The following LIMCH1 variants were observed in gnomAD, a reference collection of about 807,000 sequenced individuals.
LIMCH1 encodes the protein LIM and calponin homology domains-containing protein 1.
LIMCH1 carries 113 observed loss-of-function variants against 176.5 expected under a neutral mutation model. The observed-to-expected ratio is 0.64, with a 90% CI of 0.55 to 0.75. The LOEUF (loss-of-function observed/expected upper bound fraction) is 0.75. LIMCH1 is among the 30% of genes least tolerant of loss of function. The pLI is 0.00. For missense variants in LIMCH1, 1,674 were observed against 1,814.9 expected, an observed-to-expected ratio of 0.92 and a Z score of 1.41; for synonymous variants, 619 against 645.9, an observed-to-expected ratio of 0.96 and a Z score of 0.63.
At chr4:41,649,558 T>C (rs993843113) in intron 17 of LIMCH1, among the ~76,000 whole-genome samples, 12 of 152,220 alleles carry the variant, frequency 7.9e-5, no homozygotes, top group South Asian at 2.1e-4. Flanking sequence ...CTTTAAATTT[T>C]GCATCAGAGC....
chr4:41,484,311 G>A (rs551475279), intron 1 of LIMCH1, among the ~76,000 whole-genome samples: 1 of 152,190 alleles, frequency 6.6e-6, no homozygotes, highest in South Asian at 2.1e-4. Context: ...TGTCATTTTG[G>A]TCTTACACCT....
At chr4:41,539,612 C>T (rs981777404) in intron 1 of LIMCH1, among the ~76,000 whole-genome samples, 1 of 152,188 alleles carries the variant, frequency 6.6e-6, no homozygotes, top group African/African-American at 2.4e-5. Flanking sequence ...GAGGGACTTC[C>T]TAACACCGTT....
At chr4:41,523,054 AATAT>A (rs2076277392) in intron 2 of LIMCH1, among the ~76,000 whole-genome samples, 2 of 152,126 alleles carry the variant, frequency 1.3e-5, no homozygotes, top group South Asian at 4.2e-4. Flanking sequence ...GCAAAAATGG[AATAT>A]CCTGTCTGTC....
At chr4:41,585,467 G>A (rs576072609) in intron 1 of LIMCH1, among the ~76,000 whole-genome samples, 1 of 152,248 alleles carries the variant, frequency 6.6e-6, no homozygotes, top group African/African-American at 2.4e-5. Flanking sequence ...GAACATTTGG[G>A]TTGTTTCCAC....
At chr4:41,469,893 G>A (rs1463856474) in intron 1 of LIMCH1, among the ~76,000 whole-genome samples, 1 of 151,988 alleles carries the variant, frequency 6.6e-6, no homozygotes, top group African/African-American at 2.4e-5. Context: ...TATTGGCCAG[G>A]CTGGTTTCAA....
chr4:41,583,747 G>A (rs918577035), intron 1 of LIMCH1, among the ~76,000 whole-genome samples: 2 of 151,568 alleles, frequency 1.3e-5, no homozygotes, highest in Non-Finnish European at 2.9e-5. Context: ...TAAAAGGAGT[G>A]GTGGTGATAT....
chr4:41,662,718 G>A, intron 19 of LIMCH1, 103 bp from the exon 20 acceptor site: 2 of 1,220,380 alleles, frequency 1.6e-6, no homozygotes, highest in South Asian at 2.7e-5. Flanking sequence ...TGCCAGGACG[G>A]GATATGGACT....
At position 41,363,608 on chromosome 4, in the gene LIMCH1, TA is replaced by T. The variant is rs1463541655; in HGVS notation, c.96+2674del. On this transcript the variant is annotated intron_variant, in intron 1 of 26. Coordinates refer to the LIMCH1 transcript ENST00000313860. The stretch of plus-strand genomic sequence containing the variant: ...GGCTCAGGGAACCAGATCCAGGACG[TA>T]ACTTGTTAGTGAGGAATTTCTCGGC... Among the ~76,000 whole-genome samples, 7 of 152,298 alleles carry T rather than the reference TA, an allele frequency of 4.6e-5. No individual in the cohort carries two copies. The East Asian group carries it at 9.7e-4, about 21-fold the overall frequency.
chr4:41,608,674 T>C (rs932511742), intron 4 of LIMCH1, among the ~76,000 whole-genome samples: 2 of 147,868 alleles, frequency 1.4e-5, no homozygotes, highest in Non-Finnish European at 3.0e-5. Context: ...TACTGCTGTA[T>C]TTTTTTTTAA....
At chr4:41,438,801 A>G (rs2062387112) in intron 1 of LIMCH1, among the ~76,000 whole-genome samples, 1 of 152,072 alleles carries the variant, frequency 6.6e-6, no homozygotes, top group Non-Finnish European at 1.5e-5. Context: ...CGCCCAGGCC[A>G]GTTGGCCAAC....
At chr4:41,622,996 G>T (rs1433547160) in intron 7 of LIMCH1, among the ~76,000 whole-genome samples, 1 of 152,174 alleles carries the variant, frequency 6.6e-6, no homozygotes, top group Non-Finnish European at 1.5e-5. Flanking sequence ...CTGCCAGCCA[G>T]CGCTCTCACA....
intron 1 of LIMCH1, among the ~76,000 whole-genome samples, chr4:41,427,216 T>C (rs6830875): frequency 0.015 from 2,250 of 152,306 alleles, 58 homozygotes; most frequent in African/African-American, 0.051. Flanking sequence ...ACTTTCATTG[T>C]CCTTCCCACC....
intron 2 of LIMCH1, among the ~76,000 whole-genome samples, chr4:41,501,561 G>C (rs1203005880): frequency 2.0e-5 from 3 of 152,054 alleles, no homozygotes; most frequent in Non-Finnish European, 4.4e-5. Context: ...TGTTTCTTCT[G>C]CTCTCATGTT....
At chr4:41,428,503 G>T (rs1212425926) in intron 1 of LIMCH1, among the ~76,000 whole-genome samples, 1 of 152,142 alleles carries the variant, frequency 6.6e-6, no homozygotes, top group East Asian at 1.9e-4. Context: ...GATAGGGAGT[G>T]GCAGAGAAAG....
At chr4:41,525,803 T>C (rs938189471) in intron 3 of LIMCH1, among the ~76,000 whole-genome samples, 1 of 152,162 alleles carries the variant, frequency 6.6e-6, no homozygotes, top group Non-Finnish European at 1.5e-5. Context: ...CTCTTCCAAA[T>C]GTTAAAGCCA....
intron 2 of LIMCH1, among the ~76,000 whole-genome samples, chr4:41,602,072 G>GGTGTGT (rs141117600): frequency 4.3e-5 from 6 of 141,060 alleles, no homozygotes; most frequent in African/African-American, 1.6e-4. Context: ...TTTCTTGTGT[G>GGTGTGT]GTGTGTGTGT....
Position 41,646,205 on chromosome 4 carries a change from A to C in LIMCH1, c.2336A>C (p.Lys779Thr), listed in dbSNP as rs367617740. 6.2e-7 allele frequency: 1 copy of C among 1,614,040 alleles called. No homozygotes were observed. The highest frequency in any genetic ancestry group is 1.3e-5 in the African/African-American group (1 of 74,938). Residue 779 changes from lysine to threonine, a missense_variant, in exon 16 of 32, where the codon AAG becomes ACG. Physicochemically the swap from Lys to Thr is moderately conservative, Grantham distance 78 (BLOSUM62 -1). This residue lies in a region of LIMCH1 where 1,015 missense variants were observed against 1,102.5 expected (regional missense o/e 0.92). Transcript: ENST00000503057. Reference sequence around the variant, plus strand: ...GAGGAAGAAAGGAAAAAAATGGAGAAGTTACTGGCTGGAGAAGATGGGACA... The same window carrying C: ...GAGGAAGAAAGGAAAAAAATGGAGACGTTACTGGCTGGAGAAGATGGGACA... ...KKEEERKKME[K>T]LLAGEDGTSE...
intron 1 of LIMCH1, among the ~76,000 whole-genome samples, chr4:41,557,142 T>C (rs1469332780): frequency 6.6e-6 from 1 of 152,210 alleles, no homozygotes; most frequent in Non-Finnish European, 1.5e-5. Flanking sequence ...CCTTGTGTTC[T>C]AATGTTGCAA....
At chr4:41,367,619 T>A (rs2053225977) in intron 1 of LIMCH1, among the ~76,000 whole-genome samples, 1 of 135,276 alleles carries the variant, frequency 7.4e-6, no homozygotes, top group Non-Finnish European at 1.5e-5. Flanking sequence ...GGCTGGTGGA[T>A]CATGAGGTTT....
Sources: allele counts gnomAD v4.1 joint callset (sites outside exome capture counted in the v4.1 genomes callset), GRCh38; gene constraint gnomAD v4.1.1; regional missense constraint gnomAD v4.1.1; transcripts MANE v1.5; gene names NCBI Gene and HGNC (gene_info 2026-07-23, HGNC 2026-07-21).